Variants in OXR1 observed in about 807,000 individuals in gnomAD.
OXR1 encodes oxidation resistance protein 1.
In OXR1, 41 loss-of-function variants were observed where a neutral mutation model predicts 104.6. The observed-to-expected ratio is 0.39, with a 90% CI of 0.31 to 0.51. The LOEUF (loss-of-function observed/expected upper bound fraction) is 0.51. Among genes scored for constraint, OXR1 ranks in the 20% least tolerant of loss-of-function variants. OXR1 has a pLI of 0.77. For missense variants in OXR1, 955 were observed against 1,031.9 expected (o/e 0.93, Z 1.02); for synonymous variants, 348 against 348.4 (o/e 1.00, Z 0.01).
At chr8:106,389,225 G>A (rs1033769378) in intron 2 of OXR1, among the ~76,000 whole-genome samples, 1 of 152,078 alleles carries the variant, frequency 6.6e-6, no homozygotes, top group African/African-American at 2.4e-5. Context: ...ATCAAGCAAT[G>A]CCTGCTACAT....
chr8:106,683,434 T>C, intron 5 of OXR1, 128 bp downstream of exon 5: 1 of 493,710 alleles, frequency 2.0e-6, no homozygotes, highest in South Asian at 4.2e-5. Context: ...TAACAAATCA[T>C]ATTGGCCATG....
chr8:106,526,654 T>C lies in OXR1; in HGVS notation c.220+7515T>C, dbSNP rs770176926. Among the ~76,000 whole-genome samples, 490 of 152,348 alleles carry C rather than the reference T, an allele frequency of 3.2e-3. 4 individuals carry two copies. The highest frequency in any genetic ancestry group is 3.4e-3 in the Middle Eastern group (1 of 294). On this transcript the variant is annotated intron_variant, in intron 3 of 16. Coordinates refer to ENST00000517566, the MANE Select transcript of OXR1 (RefSeq NM_001198533.2). ...GCCTCCCGGGTTCACGCCATTCTCC[T>C]GCCTCAGCCTCCCGAGTAGCTGGGA...
At chr8:106,528,330 T>A (rs899712697) in intron 3 of OXR1, among the ~76,000 whole-genome samples, 2 of 152,244 alleles carry the variant, frequency 1.3e-5, no homozygotes, top group Admixed American at 1.3e-4. Context: ...AAAATTGTGA[T>A]GGTCTGTGAA....
chr8:106,340,541 T>C (rs901438253), intron 1 of OXR1, among the ~76,000 whole-genome samples: 9 of 152,194 alleles, frequency 5.9e-5, no homozygotes, highest in Non-Finnish European at 1.3e-4. Flanking sequence ...ACTAGCCCCT[T>C]ACATACTTGC....
At chr8:106,631,903 C>T (rs1369275475) in intron 3 of OXR1, among the ~76,000 whole-genome samples, 1 of 152,064 alleles carries the variant, frequency 6.6e-6, no homozygotes, top group East Asian at 1.9e-4. Context: ...TATTACAGCA[C>T]CTTATATACT....
intron 1 of OXR1, among the ~76,000 whole-genome samples, chr8:106,338,836 A>G (rs1184689621): frequency 6.6e-6 from 1 of 152,050 alleles, no homozygotes; most frequent in Non-Finnish European, 1.5e-5. Flanking sequence ...TATTTATACC[A>G]AGAATTTCTC....
chr8:106,522,577 G>A (rs1340561725), intron 3 of OXR1: 1 of 152,168 alleles, frequency 6.6e-6, no homozygotes, highest in Non-Finnish European at 1.5e-5. Context: ...CACTATTGAT[G>A]TGAAATAAAT....
intron 1 of OXR1, among the ~76,000 whole-genome samples, chr8:106,310,292 A>G (rs951998288): frequency 6.6e-6 from 1 of 151,608 alleles, no homozygotes; most frequent in African/African-American, 2.4e-5. Flanking sequence ...CAACTTCTCA[A>G]TAACTTTGTT....
Position 106,751,285 on chromosome 8 carries a change from T to A in OXR1, c.*344T>A, listed in dbSNP as rs1207001355. 7 of 164,578 alleles carry A rather than the reference T, an allele frequency of 4.3e-5. No individual in the cohort carries two copies. In the Admixed American group the frequency reaches 4.5e-4, roughly 11 times the overall value. 10.2% of individuals were successfully genotyped at this position (164,578 alleles called of 1,614,324 possible). On this transcript the variant is annotated 3_prime_UTR_variant, in exon 17 of 17. Transcript: ENST00000517566. ...TTTTGTTGAACCTGTATTGATTTTT[T>A]TTTTTTTAACTATATTGATTCGTTT... is the stretch of plus-strand genomic sequence containing the variant.
chr8:106,569,745 C>T (rs973038938), intron 3 of OXR1, among the ~76,000 whole-genome samples: 5 of 152,226 alleles, frequency 3.3e-5, no homozygotes, highest in African/African-American at 7.2e-5. Context: ...ACGTCAGTAT[C>T]ACTTTCAGTA....
At chr8:106,626,802 G>A (rs1822208029) in intron 3 of OXR1, among the ~76,000 whole-genome samples, 1 of 150,726 alleles carries the variant, frequency 6.6e-6, no homozygotes, top group Non-Finnish European at 1.5e-5. Context: ...CACTAGCGTT[G>A]TGATAAATAT....
chr8:106,670,771 T>C (rs1192801979), intron 3 of OXR1, among the ~76,000 whole-genome samples: 1 of 152,006 alleles, frequency 6.6e-6, no homozygotes, highest in Non-Finnish European at 1.5e-5. Context: ...AGTGAGAAGT[T>C]CTAATATGTA....
chr8:106,733,613 T>A (rs1300329466), intron 11 of OXR1, among the ~76,000 whole-genome samples: 1 of 151,912 alleles, frequency 6.6e-6, no homozygotes. Flanking sequence ...TTTTTTTTAG[T>A]ATAGTTTACA....
intron 14 of OXR1, 106 bp downstream of exon 14, chr8:106,740,601 T>A: frequency 1.1e-6 from 1 of 904,184 alleles, no homozygotes. Context: ...TTTTATTGTT[T>A]AACTGATAAT....
chr8:106,617,815 A>G (rs1821364926), intron 3 of OXR1, among the ~76,000 whole-genome samples: 1 of 152,226 alleles, frequency 6.6e-6, no homozygotes, highest in Non-Finnish European at 1.5e-5. Flanking sequence ...AATTGTACAG[A>G]GGCTAGATAT....
chr8:106,464,937 T>C (rs1428563581), intron 2 of OXR1, among the ~76,000 whole-genome samples: 1 of 152,000 alleles, frequency 6.6e-6, no homozygotes, highest in Non-Finnish European at 1.5e-5. Flanking sequence ...GTAGTTACTA[T>C]ATGCTAGGTA....
At chr8:106,471,788 A>G (rs1458593135) in intron 2 of OXR1, among the ~76,000 whole-genome samples, 1 of 151,892 alleles carries the variant, frequency 6.6e-6, no homozygotes, top group Non-Finnish European at 1.5e-5. Flanking sequence ...GGGCATTTTC[A>G]CGCTACGTGC....
intron 2 of OXR1, among the ~76,000 whole-genome samples, chr8:106,475,788 C>T (rs543428242): frequency 3.7e-4 from 56 of 152,112 alleles, no homozygotes; most frequent in Middle Eastern, 3.4e-3. Context: ...CGAAAGCACT[C>T]ATCTCCATCA....
At chr8:106,428,153 G>A (rs185147262) in intron 2 of OXR1, among the ~76,000 whole-genome samples, 4 of 152,232 alleles carry the variant, frequency 2.6e-5, no homozygotes, top group East Asian at 3.9e-4. Context: ...CTAGAACTGG[G>A]AAGCACAGGG....
Sources: gnomAD v4.1 joint callset for allele counts (sites outside exome capture counted in the v4.1 genomes callset) on GRCh38, gnomAD v4.1.1 for gene constraint, MANE v1.5 for transcripts, NCBI Gene and HGNC (gene_info 2026-07-23, HGNC 2026-07-21) for gene names.